The following GALNT13 variants were observed in gnomAD, a reference collection of about 807,000 sequenced individuals.
GALNT13 encodes the protein polypeptide N-acetylgalactosaminyltransferase 13, also known as UDP-GalNAc:polypeptide N-acetylgalactosaminyltransferase 13.
A neutral mutation model predicts 64.2 loss-of-function variants in GALNT13; 28 were observed. The ratio of observed to expected loss-of-function variants is 0.44; its 90% CI spans 0.32 to 0.60. GALNT13 has a LOEUF of 0.60. Among genes scored for constraint, GALNT13 ranks in the 20% least tolerant of loss-of-function variants. The pLI is 0.05. For synonymous variants in GALNT13, 214 were observed against 224.6 expected, an observed-to-expected ratio of 0.95 and a Z score of 0.42; for missense variants, 577 against 669.8, an observed-to-expected ratio of 0.86 and a Z score of 1.53.
chr2:153,368,487 A>T, the GALNT13 span, among the ~76,000 whole-genome samples: 1 of 152,230 alleles, frequency 6.6e-6, no homozygotes, highest in African/African-American at 2.4e-5. Flanking sequence ...TTGTTAGAGC[A>T]CCCAAGCTAA....
At chr2:153,276,423 T>A in the GALNT13 span, among the ~76,000 whole-genome samples, 1 of 152,112 alleles carries the variant, frequency 6.6e-6, no homozygotes, top group Non-Finnish European at 1.5e-5. Flanking sequence ...ATAAATTGAT[T>A]TATTTTTTGT....
intron 9 of GALNT13, among the ~76,000 whole-genome samples, chr2:154,331,790 C>CTT (rs920885269): frequency 1.3e-5 from 2 of 150,082 alleles, no homozygotes; most frequent in African/African-American, 4.9e-5. Context: ...ACTTTTTAAA[C>CTT]TTTTTTTTTT....
chr2:153,539,224 G>A, the GALNT13 span, among the ~76,000 whole-genome samples: 2 of 152,110 alleles, frequency 1.3e-5, no homozygotes, highest in Non-Finnish European at 2.9e-5. Flanking sequence ...CCTTTGCCCA[G>A]TTTCTGATGG....
chr2:153,087,490 C>T, the GALNT13 span, among the ~76,000 whole-genome samples: 1 of 152,052 alleles, frequency 6.6e-6, no homozygotes. Flanking sequence ...ATAATGGCTT[C>T]ATAGTATGAT....
At chr2:154,355,830 T>G (rs1696711203) in intron 9 of GALNT13, among the ~76,000 whole-genome samples, 2 of 152,014 alleles carry the variant, frequency 1.3e-5, no homozygotes, top group Admixed American at 6.6e-5. Flanking sequence ...TTTTTGATAA[T>G]AGATTATGAG....
At chr2:153,577,215 A>G in the GALNT13 span, among the ~76,000 whole-genome samples, 1 of 152,168 alleles carries the variant, frequency 6.6e-6, no homozygotes, top group Non-Finnish European at 1.5e-5. Context: ...GGTATAAATT[A>G]TTACCTTTCT....
At chr2:153,771,166 A>G in the GALNT13 span, among the ~76,000 whole-genome samples, 1 of 152,190 alleles carries the variant, frequency 6.6e-6, no homozygotes, top group Non-Finnish European at 1.5e-5. Flanking sequence ...CTGCTGTTAC[A>G]TGGGCTTTAC....
chr2:153,334,794 A>G, the GALNT13 span, among the ~76,000 whole-genome samples: 2 of 152,138 alleles, frequency 1.3e-5, no homozygotes, highest in African/African-American at 4.8e-5. Flanking sequence ...CTTTAAATAC[A>G]GTGTTCATTT....
chr2:153,450,995 C>A, the GALNT13 span, among the ~76,000 whole-genome samples: 1 of 152,098 alleles, frequency 6.6e-6, no homozygotes, highest in Admixed American at 6.6e-5. Context: ...ACAAATAAAG[C>A]ATGTTCTGTA....
At chr2:153,175,952 A>C in the GALNT13 span, among the ~76,000 whole-genome samples, 1 of 152,182 alleles carries the variant, frequency 6.6e-6, no homozygotes, top group Non-Finnish European at 1.5e-5. Context: ...GCTACACCAA[A>C]AGAGTAAAAT....
At chr2:153,493,928 G>C in the GALNT13 span, among the ~76,000 whole-genome samples, 1 of 151,832 alleles carries the variant, frequency 6.6e-6, no homozygotes, top group Non-Finnish European at 1.5e-5. Flanking sequence ...TTAAAAATGA[G>C]GTATAATTGG....
the GALNT13 span, among the ~76,000 whole-genome samples, chr2:153,602,661 T>C: frequency 1.3e-5 from 2 of 151,046 alleles, no homozygotes; most frequent in South Asian, 2.1e-4. Context: ...AGGGAGAGAG[T>C]TAGAAAATGA....
At chr2:154,230,469 C>T (rs931565907) in intron 4 of GALNT13, among the ~76,000 whole-genome samples, 2 of 152,002 alleles carry the variant, frequency 1.3e-5, no homozygotes, top group African/African-American at 4.8e-5. Flanking sequence ...TGTTCTTTTA[C>T]TTTTATTATC....
the GALNT13 span, among the ~76,000 whole-genome samples, chr2:153,575,904 T>G: frequency 1.3e-5 from 2 of 152,174 alleles, no homozygotes; most frequent in Non-Finnish European, 2.9e-5. Flanking sequence ...AGGCCCTTGA[T>G]GTAGTACCTG....
intron 8 of GALNT13, among the ~76,000 whole-genome samples, chr2:154,266,964 G>C (rs1691038805): frequency 1.3e-5 from 2 of 151,932 alleles, no homozygotes. Flanking sequence ...GTATTATAAA[G>C]CTATAATAAT....
the GALNT13 span, among the ~76,000 whole-genome samples, chr2:153,597,639 C>T: frequency 6.6e-6 from 1 of 151,864 alleles, no homozygotes; most frequent in African/African-American, 2.4e-5. Context: ...TAGACTTTAT[C>T]ATAATTAAGA....
the GALNT13 span, among the ~76,000 whole-genome samples, chr2:153,561,248 A>G: frequency 2.0e-5 from 3 of 151,800 alleles, no homozygotes; most frequent in Admixed American, 1.3e-4. Flanking sequence ...CTTATGCTAT[A>G]TATATATGAA....
At chr2:153,420,233 A>G in the GALNT13 span, among the ~76,000 whole-genome samples, 1 of 152,196 alleles carries the variant, frequency 6.6e-6, no homozygotes, top group South Asian at 2.1e-4. Context: ...ATGCTTAAAA[A>G]TGGTTAAGAT....
At chr2:154,446,793 A>G (rs2105497446) in intron 12 of GALNT13, 2 of 1,460,224 alleles carry the variant, frequency 1.4e-6, no homozygotes, top group East Asian at 2.5e-5. Flanking sequence ...TATTAAATTT[A>G]TTTTAGCATT....
Sources: gnomAD v4.1 joint callset for allele counts (sites outside exome capture counted in the v4.1 genomes callset) on GRCh38, gnomAD v4.1.1 for gene constraint, MANE v1.5 for transcripts, NCBI Gene and HGNC (gene_info 2026-07-23, HGNC 2026-07-21) for gene names.